The following CMIP variants were observed in gnomAD, a reference collection of about 807,000 sequenced individuals.
The protein encoded by CMIP is c-Maf inducing protein.
A neutral mutation model predicts 97.3 loss-of-function variants in CMIP; 13 were observed. The observed-to-expected ratio is 0.13, with a 90% CI of 0.09 to 0.21. CMIP has a LOEUF of 0.21. CMIP is among the 10% of genes least tolerant of loss of function. CMIP has a pLI of 1.00. For synonymous variants in CMIP, 538 were observed against 436.3 expected, an observed-to-expected ratio of 1.23 and a Z score of -2.91; for missense variants, 847 against 1,024.9, an observed-to-expected ratio of 0.83 and a Z score of 2.37.
At chr16:81,610,168 G>A (rs1340489534) in intron 2 of CMIP, 2 of 265,932 alleles carry the variant, frequency 7.5e-6, no homozygotes, top group African/African-American at 4.6e-5. Context: ...ACTCGCCACA[G>A]GGATGGAGGG....
At chr16:81,698,878 C>T (rs531020629) in intron 14 of CMIP, among the ~76,000 whole-genome samples, 9 of 152,258 alleles carry the variant, frequency 5.9e-5, no homozygotes, top group Admixed American at 2.0e-4. Flanking sequence ...AAAACTTCAA[C>T]GTAATAAGTG....
intron 17 of CMIP, among the ~76,000 whole-genome samples, chr16:81,703,666 G>T (rs924068010): frequency 1.3e-5 from 2 of 151,888 alleles, no homozygotes; most frequent in African/African-American, 4.8e-5. Flanking sequence ...GGAACACCCC[G>T]CTGGTGCCTC....
intron 1 of CMIP, among the ~76,000 whole-genome samples, chr16:81,505,070 C>T (rs1216060102): frequency 6.6e-6 from 1 of 152,246 alleles, no homozygotes; most frequent in Non-Finnish European, 1.5e-5. Context: ...TGCTAAATGT[C>T]CAGGGCACAT....
chr16:81,477,879 A>C (rs996237382), intron 1 of CMIP, among the ~76,000 whole-genome samples: 1 of 152,232 alleles, frequency 6.6e-6, no homozygotes, highest in African/African-American at 2.4e-5. Flanking sequence ...TCCAGTTAGC[A>C]GAAAGTGGGA....
At position 81,711,145 on chromosome 16, in the gene CMIP, C is replaced by T. The variant is rs1054188167; in HGVS notation, c.*1346C>T. The T allele has an allele frequency of 6.6e-6, 1 of 152,358 alleles. No individual in the cohort carries two copies. The highest frequency in any genetic ancestry group is 1.5e-5 in the Non-Finnish European group (1 of 68,030). 9.4% of individuals were successfully genotyped at this position (152,358 alleles called of 1,614,324 possible). On this transcript the variant is annotated 3_prime_UTR_variant, in exon 21 of 21. Transcript: ENST00000537098. ...TCGGCTTTTTCTTAATAAGCCCTCA[C>T]TGTACAGAACAGCCCGTTGATGGTT...
chr16:81,684,257 C>G (rs1401168583), intron 10 of CMIP, among the ~76,000 whole-genome samples: 1 of 152,234 alleles, frequency 6.6e-6, no homozygotes, highest in Non-Finnish European at 1.5e-5. Flanking sequence ...GTTTCTCAGC[C>G]TGGGTTCAAA....
At chr16:81,491,675 C>T (rs935204562) in intron 1 of CMIP, among the ~76,000 whole-genome samples, 6 of 152,164 alleles carry the variant, frequency 3.9e-5, no homozygotes, top group Admixed American at 6.5e-5. Flanking sequence ...GAACTCTTGC[C>T]GCTTGACGTC....
chr16:81,458,659 C>G (rs1308308912), intron 1 of CMIP, among the ~76,000 whole-genome samples: 1 of 152,156 alleles, frequency 6.6e-6, no homozygotes, highest in East Asian at 1.9e-4. Flanking sequence ...AAATCCCCTG[C>G]CTGCCCAGGT....
At chr16:81,572,122 C>T (rs913662280) in intron 1 of CMIP, among the ~76,000 whole-genome samples, 1 of 152,222 alleles carries the variant, frequency 6.6e-6, no homozygotes, top group African/African-American at 2.4e-5. Context: ...CTCCCGGGGG[C>T]TCTTTTGCAT....
chr16:81,654,897 C>T (rs558406093), intron 4 of CMIP, among the ~76,000 whole-genome samples: 2 of 98,670 alleles, frequency 2.0e-5, no homozygotes, highest in South Asian at 2.4e-4. Context: ...AGTGAGAAAC[C>T]GTGTTGTAGG....
At chr16:81,466,582 T>C (rs1318250600) in intron 1 of CMIP, among the ~76,000 whole-genome samples, 2 of 152,216 alleles carry the variant, frequency 1.3e-5, no homozygotes, top group African/African-American at 4.8e-5. Context: ...GAGACATTGC[T>C]CAGGAAGCAC....
chr16:81,581,657 C>T (rs1597113264), intron 1 of CMIP, among the ~76,000 whole-genome samples: 1 of 152,102 alleles, frequency 6.6e-6, no homozygotes, highest in Non-Finnish European at 1.5e-5. Context: ...GGGGAATAGC[C>T]GAGCTTGGCA....
chr16:81,582,226 G>T (rs868730756), intron 1 of CMIP, among the ~76,000 whole-genome samples: 14 of 152,278 alleles, frequency 9.2e-5, no homozygotes, highest in South Asian at 2.1e-4. Context: ...ACATGAGTCT[G>T]GGGTGGGGAC....
At chr16:81,482,989 T>C (rs1320973630) in intron 1 of CMIP, among the ~76,000 whole-genome samples, 1 of 152,242 alleles carries the variant, frequency 6.6e-6, no homozygotes, top group Non-Finnish European at 1.5e-5. Flanking sequence ...AAAGCAGGCA[T>C]CATCCTGGCC....
intron 1 of CMIP, among the ~76,000 whole-genome samples, chr16:81,572,414 C>A (rs61732869): frequency 0.012 from 1,878 of 152,320 alleles, 49 homozygotes; most frequent in African/African-American, 0.043. Flanking sequence ...GGTTGGATTA[C>A]ATGAGACTTT....
At chr16:81,562,820 A>G (rs1425517428) in intron 1 of CMIP, among the ~76,000 whole-genome samples, 2 of 152,232 alleles carry the variant, frequency 1.3e-5, no homozygotes, top group African/African-American at 4.8e-5. Flanking sequence ...TGAAGCTCAG[A>G]AGGGTACACT....
intron 1 of CMIP, among the ~76,000 whole-genome samples, chr16:81,531,027 A>C (rs1342674546): frequency 6.6e-6 from 1 of 152,188 alleles, no homozygotes; most frequent in East Asian, 1.9e-4. Flanking sequence ...AGCCTTCAAA[A>C]GGCACGTTTA....
chr16:81,521,777 G>T (rs1007840288), intron 1 of CMIP, among the ~76,000 whole-genome samples: 1 of 152,148 alleles, frequency 6.6e-6, no homozygotes, highest in Non-Finnish European at 1.5e-5. Flanking sequence ...AGTTTAGGGG[G>T]TCAGTTGGGT....
At chr16:81,505,770 C>T (rs3901653) in intron 1 of CMIP, among the ~76,000 whole-genome samples, 57,332 of 152,058 alleles carry the variant, frequency 0.38, 10,980 homozygotes, top group East Asian at 0.48. Context: ...GCAGGTGGAT[C>T]ACCTGAGGTC....
Sources: allele counts gnomAD v4.1 joint callset (sites outside exome capture counted in the v4.1 genomes callset), GRCh38; gene constraint gnomAD v4.1.1; transcripts MANE v1.5; gene names NCBI Gene and HGNC (gene_info 2026-07-23, HGNC 2026-07-21).